Variants in RELN observed in about 807,000 individuals in gnomAD.
RELN encodes the protein reelin.
A neutral mutation model predicts 427.6 loss-of-function variants in RELN; 108 were observed. That is an observed-to-expected ratio of 0.25 (90% confidence interval 0.22 to 0.30). The LOEUF (loss-of-function observed/expected upper bound fraction) is 0.30. Among genes scored for constraint, RELN ranks in the 10% least tolerant of loss-of-function variants. The probability of loss-of-function intolerance (pLI) is 1.00; values close to 1 mark genes in which losing one functional copy is unlikely to be tolerated. For synonymous variants in RELN, 1,524 were observed against 1,513.4 expected (o/e 1.01, Z -0.16); for missense variants, 3,715 against 4,302.8 (o/e 0.86, Z 3.82).
intron 22 of RELN, among the ~76,000 whole-genome samples, chr7:103,608,328 A>G (rs894564231): frequency 1.3e-5 from 2 of 152,236 alleles, no homozygotes; most frequent in African/African-American, 4.8e-5. Flanking sequence ...TTTGAAATGT[A>G]GCAATAATGT....
intron 11 of RELN, among the ~76,000 whole-genome samples, chr7:103,665,881 A>G (rs1159629489): frequency 7.2e-6 from 1 of 138,544 alleles, no homozygotes. Context: ...CGTGTCTCTC[A>G]CTCTCTCATT....
At chr7:103,784,018 T>C (rs1180481389) in intron 3 of RELN, among the ~76,000 whole-genome samples, 1 of 152,174 alleles carries the variant, frequency 6.6e-6, no homozygotes, top group Non-Finnish European at 1.5e-5. Flanking sequence ...CAGAGTTATA[T>C]ATCCTTTGTA....
rs757093835 is a variant in RELN, at chr7:103,636,321, A to C, written c.2217T>G (p.Gly739=). The C allele has an allele frequency of 2.5e-6, 4 of 1,614,040 alleles. No homozygotes were observed. In the South Asian group the frequency reaches 4.4e-5, roughly 18 times the overall value. Reference sequence around the variant, plus strand: ...CCAGGGCCTTACCACTGGCCAAGACACCACAACCAAAGCTGACTTCAGCAC... The same window carrying C: ...CCAGGGCCTTACCACTGGCCAAGACCCCACAACCAAAGCTGACTTCAGCAC... ...IRGAEVSFGC[G]VLASGKALVF... Residue 739 remains glycine, a synonymous_variant, in exon 18 of 65, where the codon GGT becomes GGG. Transcript: ENST00000428762.
rs750093812 is a variant in RELN, at chr7:103,654,097, T to C, written c.1550A>G (p.Tyr517Cys). ...ITLDTLSYSS[Y>C]KVPSLVSVVI... ...CACACAGACTGGCATGTGTACCTTA[T>C]ATGAGGAATAGGAAAGGGTATCCAG... Residue 517 changes from tyrosine to cysteine, a missense_variant, in exon 13 of 65, where the codon TAT becomes TGT. Tyr to Cys is a radical substitution (Grantham distance 194). Around this residue, in one of 4 missense-constraint regions of RELN, gnomAD observed 2,208 missense variants for 2,361.7 expected, o/e 0.93. Coordinates refer to ENST00000428762, the MANE Select transcript of RELN (RefSeq NM_005045.4). 2.6e-6 allele frequency: 4 copies of C among 1,549,032 alleles called. No individual in the cohort carries two copies. The highest frequency in any genetic ancestry group is 1.7e-5 in the Admixed American group (1 of 59,686).
chr7:103,802,236 C>CA (rs1792485671), intron 3 of RELN, among the ~76,000 whole-genome samples: 2 of 151,978 alleles, frequency 1.3e-5, no homozygotes, highest in South Asian at 4.1e-4. Flanking sequence ...CAGGGTCTTG[C>CA]AAAACTTTTT....
At chr7:103,566,165 A>T in intron 33 of RELN, 59 bp downstream of exon 33, 1 of 1,426,792 alleles carries the variant, frequency 7.0e-7, no homozygotes, top group Non-Finnish European at 9.9e-7. Flanking sequence ...CCTGACTTTT[A>T]GTTAATTTAG....
chr7:103,827,644 C>T (rs1793175322), intron 3 of RELN, among the ~76,000 whole-genome samples: 1 of 151,894 alleles, frequency 6.6e-6, no homozygotes, highest in Non-Finnish European at 1.5e-5. Context: ...TGATGAAAAA[C>T]AGGGGCTTAT....
intron 10 of RELN, among the ~76,000 whole-genome samples, chr7:103,684,596 G>A (rs1030734179): frequency 1.3e-5 from 2 of 152,142 alleles, no homozygotes; most frequent in African/African-American, 4.8e-5. Flanking sequence ...AGGAGTTTCA[G>A]GATTGGGATT....
At chr7:103,648,832 A>G (rs1398617693) in intron 16 of RELN, among the ~76,000 whole-genome samples, 1 of 152,058 alleles carries the variant, frequency 6.6e-6, no homozygotes, top group African/African-American at 2.4e-5. Flanking sequence ...ACAGGTATAT[A>G]AAATGCTAAG....
Position 103,917,079 on chromosome 7 carries a change from T to G in RELN, c.333A>C (p.Gly111=). ...SQSIGGSSAF[G]FGIMSDHQFG... ...TGGTTTGTGAGAATAGCTTACCAAA[T>G]CCGAAAGCACTGGAACCTCCAATGC... is the stretch of plus-strand genomic sequence containing the variant. Residue 111 remains glycine (G), a synonymous_variant, in exon 2 of 65, where the codon GGA becomes GGC. Coordinates refer to ENST00000428762, the MANE Select transcript of RELN (RefSeq NM_005045.4). The G allele has an allele frequency of 6.2e-7, 1 of 1,612,590 alleles. No individual in the cohort carries two copies. The highest frequency in any genetic ancestry group is 8.5e-7 in the Non-Finnish European group (1 of 1,178,898).
intron 4 of RELN, among the ~76,000 whole-genome samples, chr7:103,766,006 T>C (rs546052397): frequency 6.6e-6 from 1 of 152,302 alleles, no homozygotes; most frequent in Admixed American, 6.5e-5. Flanking sequence ...TATGGTCATG[T>C]GAATCAGCTC....
intron 1 of RELN, among the ~76,000 whole-genome samples, chr7:103,964,850 A>T (rs2116801291): frequency 6.6e-6 from 1 of 152,318 alleles, no homozygotes; most frequent in East Asian, 1.9e-4. Flanking sequence ...ACACAAATAC[A>T]GTCAGGGACT....
rs113345757 is a variant in RELN, at chr7:103,582,794, G to A, written c.4145+6802C>T. On this transcript the variant is annotated intron_variant, in intron 28 of 64. Transcript: ENST00000428762. Reference sequence around the variant, plus strand: ...TATGAATAAGACACGTCTATAGATTGTTAAGCTTTTACCATAAAAGTCAGA... The same window carrying A: ...TATGAATAAGACACGTCTATAGATTATTAAGCTTTTACCATAAAAGTCAGA... 4.0e-3 allele frequency among the ~76,000 whole-genome samples: 616 copies of A among 152,310 alleles called. 3 individuals are homozygous for A. Among genetic ancestry groups the A allele is most frequent in the Non-Finnish European group, 7.0e-3 (473 of 68,030 alleles).
intron 4 of RELN, among the ~76,000 whole-genome samples, chr7:103,774,434 G>A (rs1791686150): frequency 6.6e-6 from 1 of 151,668 alleles, no homozygotes; most frequent in African/African-American, 2.4e-5. Context: ...ATACAGTCTT[G>A]TCATAAGAGA....
At chr7:103,612,363 C>A (rs1245271022) in intron 20 of RELN, among the ~76,000 whole-genome samples, 1 of 151,332 alleles carries the variant, frequency 6.6e-6, no homozygotes, top group East Asian at 1.9e-4. Flanking sequence ...GCAACCTCCG[C>A]CCCCCTGGTT....
chr7:103,725,540 C>G (rs1047598529), intron 7 of RELN, among the ~76,000 whole-genome samples: 2 of 152,030 alleles, frequency 1.3e-5, no homozygotes, highest in Non-Finnish European at 2.9e-5. Flanking sequence ...TGGACACCAG[C>G]CTAGGTGACA....
intron 11 of RELN, among the ~76,000 whole-genome samples, chr7:103,676,417 T>C (rs1339476554): frequency 6.6e-6 from 1 of 152,046 alleles, no homozygotes; most frequent in Non-Finnish European, 1.5e-5. Context: ...TGTGGAGAAA[T>C]AGGAACACTT....
intron 4 of RELN, among the ~76,000 whole-genome samples, chr7:103,756,733 G>A (rs555781491): frequency 3.0e-4 from 46 of 150,870 alleles, no homozygotes; most frequent in African/African-American, 1.0e-3. Flanking sequence ...AATTTACATC[G>A]TATTTTAAAT....
chr7:103,550,576 G>A (rs953864572), intron 41 of RELN, among the ~76,000 whole-genome samples: 1 of 150,164 alleles, frequency 6.7e-6, no homozygotes, highest in African/African-American at 2.5e-5. Flanking sequence ...GCTGAGAGAG[G>A]TTGGAAAAGT....
Sources: gnomAD v4.1 joint callset for allele counts (sites outside exome capture counted in the v4.1 genomes callset) on GRCh38, gnomAD v4.1.1 for gene constraint, gnomAD v4.1.1 regional missense constraint, MANE v1.5 for transcripts, NCBI Gene and HGNC (gene_info 2026-07-23, HGNC 2026-07-21) for gene names.